CCSER1: variants seen among roughly 807,000 people sequenced by gnomAD.
The protein encoded by CCSER1 is serine-rich coiled-coil domain-containing protein 1.
A neutral mutation model predicts 82.0 loss-of-function variants in CCSER1; 41 were observed. That is an observed-to-expected ratio of 0.50 (90% CI 0.39 to 0.65). The LOEUF is 0.65. CCSER1 is among the 30% of genes least tolerant of loss of function. The pLI is 0.00. For missense variants in CCSER1, 1,119 were observed against 1,064.2 expected (o/e 1.05, Z -0.72); for synonymous variants, 414 against 383.9 (o/e 1.08, Z -0.92).
Position 91,482,959 on chromosome 4 carries a change from G to A in CCSER1, c.2218-115613G>A, listed in dbSNP as rs558846153. ...GGGCCTGTTGTGGGGTGGGGGGAGC[G>A]GGGAGGGATAGCATTAGGAGATATA... is the stretch of plus-strand genomic sequence containing the variant. On this transcript the variant is annotated intron_variant, in intron 10 of 10. Coordinates refer to ENST00000509176, the MANE Select transcript of CCSER1 (RefSeq NM_001145065.2). Among the ~76,000 whole-genome samples, 38 of 152,158 alleles carry A rather than the reference G, an allele frequency of 2.5e-4. No homozygotes were observed. In the East Asian group the frequency reaches 5.2e-3, roughly 21 times the overall value.
intron 9 of CCSER1, among the ~76,000 whole-genome samples, chr4:91,032,206 A>G (rs1409338031): frequency 6.6e-6 from 1 of 152,160 alleles, no homozygotes; most frequent in African/African-American, 2.4e-5. Context: ...CATTTCTTCA[A>G]ATAATTTTAC....
intron 1 of CCSER1, among the ~76,000 whole-genome samples, chr4:90,185,553 G>A (rs76320250): frequency 0.016 from 2,501 of 152,128 alleles, 56 homozygotes; most frequent in African/African-American, 0.045. Context: ...GAAGGTACCA[G>A]TGCTGATAAT....
rs1258485276 is a variant in CCSER1, at chr4:90,615,674, TG to T, written c.1725-12350del. Among the ~76,000 whole-genome samples the T allele has an allele frequency of 1.8e-4, 20 of 110,994 alleles. No homozygotes were observed. The East Asian group carries it at 4.5e-3, about 25-fold the overall frequency. 72.8% of individuals were successfully genotyped at this position (110,994 alleles called of 152,430 possible). ...TCTTGTAGATGAGCACAGAAAGTGT[TG>T]TTTTTTTTTTTTCTTTTTTTGAGAT... On this transcript the variant is annotated intron_variant, in intron 5 of 10. Transcript: ENST00000509176.
chr4:90,189,761 A>G (rs114234479), intron 1 of CCSER1, among the ~76,000 whole-genome samples: 3,195 of 152,066 alleles, frequency 0.021, 41 homozygotes, highest in South Asian at 0.035. Flanking sequence ...TAGTTTCTTC[A>G]TTAAGCATTC....
rs114249729 is a variant in CCSER1 at position 91,481,563 on chromosome 4, T to C, written c.2218-117009T>C. 4.3e-3 allele frequency among the ~76,000 whole-genome samples: 656 copies of C among 152,280 alleles called. 8 individuals carry two copies. Among genetic ancestry groups the C allele is most frequent in the African/African-American group, 0.015 (634 of 41,562 alleles). On this transcript the variant is annotated intron_variant, in intron 10 of 10. Coordinates refer to ENST00000509176, the MANE Select transcript of CCSER1 (RefSeq NM_001145065.2). Reference sequence around the variant, plus strand: ...GGTTAAAGCTGCAACATACACATTTTAGTGAGACACAATTTAGCCCCTAAC... The same window carrying C: ...GGTTAAAGCTGCAACATACACATTTCAGTGAGACACAATTTAGCCCCTAAC...
At chr4:90,801,944 G>T (rs1246385408) in intron 7 of CCSER1, among the ~76,000 whole-genome samples, 1 of 152,034 alleles carries the variant, frequency 6.6e-6, no homozygotes, top group Non-Finnish European at 1.5e-5. Context: ...TCTAGGCTGG[G>T]GGCGTTGTCT....
chr4:91,081,140 A>T (rs1722680386), intron 9 of CCSER1, among the ~76,000 whole-genome samples: 1 of 152,198 alleles, frequency 6.6e-6, no homozygotes. Context: ...CCTCATGAAC[A>T]TCGATGCAAA....
intron 7 of CCSER1, among the ~76,000 whole-genome samples, chr4:90,742,649 A>C (rs1424414699): frequency 6.6e-6 from 1 of 152,168 alleles, no homozygotes; most frequent in African/African-American, 2.4e-5. Context: ...ATTGTTTAGA[A>C]GCCACCCAGT....
intron 1 of CCSER1, among the ~76,000 whole-genome samples, chr4:90,301,625 G>A (rs76340013): frequency 0.025 from 3,802 of 151,824 alleles, 70 homozygotes; most frequent in Non-Finnish European, 0.039. Flanking sequence ...ATAAAATAAC[G>A]TTTATGGTAA....
intron 4 of CCSER1, among the ~76,000 whole-genome samples, chr4:90,437,433 G>A (rs1759188452): frequency 6.6e-6 from 1 of 151,994 alleles, no homozygotes; most frequent in African/African-American, 2.4e-5. Context: ...TGATGAGATA[G>A]GAATACAAAT....
At chr4:90,842,015 A>C (rs1762630234) in intron 8 of CCSER1, among the ~76,000 whole-genome samples, 1 of 139,970 alleles carries the variant, frequency 7.1e-6, no homozygotes, top group Admixed American at 7.3e-5. Context: ...TGACGTATTT[A>C]CTGATTTCTC....
At chr4:90,355,262 G>A (rs1469010099) in intron 3 of CCSER1, among the ~76,000 whole-genome samples, 2 of 151,494 alleles carry the variant, frequency 1.3e-5, no homozygotes, top group Admixed American at 6.6e-5. Flanking sequence ...TTTCCCAGAA[G>A]GAAGTGGGTA....
intron 1 of CCSER1, among the ~76,000 whole-genome samples, chr4:90,188,676 A>G (rs1016553386): frequency 4.6e-5 from 7 of 151,978 alleles, no homozygotes; most frequent in African/African-American, 1.7e-4. Context: ...GAGAAATGCC[A>G]TGTGACTTAG....
intron 9 of CCSER1, among the ~76,000 whole-genome samples, chr4:90,974,940 A>T (rs1458962838): frequency 6.6e-6 from 1 of 151,410 alleles, no homozygotes; most frequent in African/African-American, 2.4e-5. Flanking sequence ...CATTATTAGT[A>T]GCCAAATGTG....
intron 9 of CCSER1, among the ~76,000 whole-genome samples, chr4:91,032,752 G>T (rs1561487282): frequency 6.6e-6 from 1 of 152,216 alleles, no homozygotes; most frequent in Non-Finnish European, 1.5e-5. Flanking sequence ...TTAATATGCA[G>T]CAGAATTGCC....
chr4:90,536,888 G>A (rs915206680), intron 5 of CCSER1, among the ~76,000 whole-genome samples: 1 of 152,166 alleles, frequency 6.6e-6, no homozygotes, highest in Non-Finnish European at 1.5e-5. Context: ...AATTTCCAAA[G>A]TCCCTAGGTG....
At chr4:91,185,882 A>G (rs1015403877) in intron 10 of CCSER1, among the ~76,000 whole-genome samples, 39 of 152,316 alleles carry the variant, frequency 2.6e-4, no homozygotes, top group African/African-American at 9.4e-4. Flanking sequence ...GTACTAGCCA[A>G]GTAGCTTTAT....
intron 1 of CCSER1, among the ~76,000 whole-genome samples, chr4:90,245,060 G>C (rs1225655036): frequency 1.3e-5 from 2 of 152,034 alleles, no homozygotes; most frequent in Admixed American, 6.6e-5. Flanking sequence ...CTGTAGTAAT[G>C]AATAAAAAAG....
chr4:90,771,877 A>G (rs1752233642), intron 7 of CCSER1, among the ~76,000 whole-genome samples: 1 of 152,098 alleles, frequency 6.6e-6, no homozygotes, highest in Admixed American at 6.5e-5. Context: ...AGTAATTCTT[A>G]GGTGTCATTA....
Sources: gnomAD v4.1 joint callset for allele counts (sites outside exome capture counted in the v4.1 genomes callset) on GRCh38, gnomAD v4.1.1 for gene constraint, MANE v1.5 for transcripts, NCBI Gene and HGNC (gene_info 2026-07-23, HGNC 2026-07-21) for gene names.